Variants in ANKFY1 observed in about 807,000 individuals in gnomAD.
ANKFY1 encodes ankyrin repeat and FYVE domain-containing protein 1.
In ANKFY1, 47 loss-of-function variants were observed where a neutral mutation model predicts 128.3. The ratio of observed to expected loss-of-function variants is 0.37; its 90% confidence interval spans 0.29 to 0.47. The LOEUF (loss-of-function observed/expected upper bound fraction) is 0.47, where lower values mean the gene tolerates loss of function less well. Ranked by LOEUF, ANKFY1 falls within the 20% of genes least tolerant of loss-of-function variation. The pLI is 1.00. For synonymous variants in ANKFY1, 553 were observed against 601.6 expected (o/e 0.92, Z 1.18); for missense variants, 1,222 against 1,510.6 (o/e 0.81, Z 3.17).
intron 1 of ANKFY1, chr17:4,263,470 C>G: frequency 1.2e-6 from 1 of 848,080 alleles, no homozygotes; most frequent in Non-Finnish European, 1.8e-6. Flanking sequence ...TCGCCCCCAC[C>G]CCACCCCACC....
intron 24 of ANKFY1, chr17:4,168,852 C>T (rs773450600): frequency 4.9e-5 from 12 of 245,480 alleles, no homozygotes; most frequent in Non-Finnish European, 8.3e-5. Context: ...CCTTAGTTCT[C>T]GGCAAAGCGG....
rs756766579 is a variant in ANKFY1 at position 4,197,541 on chromosome 17, C to T, written c.935G>A (p.Gly312Glu). 2 of 1,614,030 alleles carry T rather than the reference C, an allele frequency of 1.2e-6. No homozygotes were observed. Among genetic ancestry groups the T allele is most frequent in the Non-Finnish European group, 1.7e-6 (2 of 1,180,010 alleles). The change falls in exon 8 of 25, where the codon GGG becomes GAG. Residue 312 changes from glycine to glutamate, a missense_variant. Gly to Glu is a moderately conservative substitution (Grantham distance 98). Coordinates refer to ENST00000341657, the MANE Select transcript of ANKFY1 (RefSeq NM_001330063.2). Reference sequence around the variant, plus strand: ...CAGTGTAGCAGCGTTGACAAAGGCCCCATTCTTAATGAGGAAAGTGGCAGC... The same window carrying T: ...CAGTGTAGCAGCGTTGACAAAGGCCTCATTCTTAATGAGGAAAGTGGCAGC... ...LFAATFLIKN[G>E]AFVNAATLGA...
intron 3 of ANKFY1, among the ~76,000 whole-genome samples, chr17:4,218,688 TAAAC>T (rs1391256851): frequency 6.6e-6 from 1 of 152,018 alleles, no homozygotes; most frequent in African/African-American, 2.4e-5. Context: ...AGAAAAAAAT[TAAAC>T]AAAATAAAAC....
chr17:4,238,851 C>T (rs1892605196), intron 2 of ANKFY1, among the ~76,000 whole-genome samples: 1 of 152,112 alleles, frequency 6.6e-6, no homozygotes, highest in Non-Finnish European at 1.5e-5. Context: ...CCTCCACCTT[C>T]GGGTTCAAGC....
Position 4,237,337 on chromosome 17 carries a change from T to C in ANKFY1, c.204-1447A>G, listed in dbSNP as rs189224086. 2.0e-5 allele frequency among the ~76,000 whole-genome samples: 3 copies of C among 152,308 alleles called. No individual in the cohort carries two copies. In the East Asian group the frequency reaches 5.8e-4, roughly 29 times the overall value. On this transcript the variant is annotated intron_variant, in intron 2 of 24. Transcript: ENST00000341657. ...AGAGAGTATTTATTATTTCAAATTA[T>C]TACAAACTGCTGTTAACACAGTAGA...
chr17:4,218,010 G>T (rs1187750123), intron 3 of ANKFY1, among the ~76,000 whole-genome samples: 1 of 152,076 alleles, frequency 6.6e-6, no homozygotes, highest in African/African-American at 2.4e-5. Context: ...ATGATAAAAA[G>T]ACCTTACAAA....
chr17:4,220,914 C>T (rs762819623), intron 3 of ANKFY1, among the ~76,000 whole-genome samples: 2 of 152,310 alleles, frequency 1.3e-5, no homozygotes, highest in Non-Finnish European at 2.9e-5. Context: ...AAGCAGTTGG[C>T]CTCCGAGTCC....
intron 2 of ANKFY1, among the ~76,000 whole-genome samples, chr17:4,241,455 A>AT (rs1369909923): frequency 6.6e-6 from 1 of 151,034 alleles, no homozygotes; most frequent in Non-Finnish European, 1.5e-5. Context: ...AATTTTTTAT[A>AT]TTTTTTTGTA....
Position 4,167,660 on chromosome 17 carries a change from C to T in ANKFY1, c.*119G>A. The T allele has an allele frequency of 1.0e-6, 1 of 980,768 alleles. No individual in the cohort carries two copies. Among genetic ancestry groups the T allele is most frequent in the Non-Finnish European group, 1.4e-6 (1 of 693,396 alleles). The allele number at this position is 980,768 out of a possible 1,614,324, so 60.8% of individuals were successfully genotyped here. A position where few individuals can be genotyped will look rare whatever the true frequency, so the allele number is the denominator to read the frequency against. On this transcript the variant is annotated 3_prime_UTR_variant, in exon 25 of 25. Transcript: ENST00000341657. This position sits in a 1 kb window ranked among gnomAD's most constrained non-coding sequence, Gnocchi z 4.1. ...ATCACACCATGGTCCTTAATCGTTC[C>T]AGTCTATTGCCGCAGGAAGACACCC...
chr17:4,222,318 T>A, intron 3 of ANKFY1: 4 of 728,534 alleles, frequency 5.5e-6, no homozygotes, highest in Non-Finnish European at 1.0e-5. Flanking sequence ...TCGGTCTTGA[T>A]GCAGAACTTT....
At chr17:4,250,318 C>G (rs887284713) in intron 1 of ANKFY1, among the ~76,000 whole-genome samples, 3 of 152,220 alleles carry the variant, frequency 2.0e-5, no homozygotes, top group African/African-American at 7.2e-5. Flanking sequence ...AACTTCATAT[C>G]TTCCTCAAAT....
chr17:4,235,953 T>A, intron 2 of ANKFY1, 63 bp from the exon 3 acceptor site: 2 of 1,190,060 alleles, frequency 1.7e-6, no homozygotes, highest in Non-Finnish European at 2.5e-6. Context: ...ATAGCTAGGA[T>A]TCACAGCTGA....
intron 1 of ANKFY1, among the ~76,000 whole-genome samples, chr17:4,247,856 G>GA (rs2143453710): frequency 1.3e-5 from 2 of 152,298 alleles, no homozygotes; most frequent in East Asian, 3.9e-4. Flanking sequence ...TGTAAACACT[G>GA]AAAGTACTAA....
intron 1 of ANKFY1, among the ~76,000 whole-genome samples, chr17:4,254,561 A>C (rs888476567): frequency 2.6e-5 from 4 of 152,166 alleles, no homozygotes; most frequent in Admixed American, 1.3e-4. Context: ...TACTGATTTC[A>C]ATCAGACTTC....
chr17:4,238,140 C>G (rs550447916), intron 2 of ANKFY1, among the ~76,000 whole-genome samples: 88 of 114,022 alleles, frequency 7.7e-4, no homozygotes, highest in African/African-American at 3.0e-3. Flanking sequence ...GAGACTCTGT[C>G]TCTTATTTAT....
chr17:4,238,308 T>A (rs1375488206), intron 2 of ANKFY1, among the ~76,000 whole-genome samples: 2 of 152,118 alleles, frequency 1.3e-5, no homozygotes, highest in Admixed American at 1.3e-4. Context: ...GGGATAAAGG[T>A]ATTTTTTCCC....
Position 4,247,143 on chromosome 17 carries a change from G to GA in ANKFY1, c.11-4696dup, listed in dbSNP as rs1173358211. 1.9e-3 allele frequency among the ~76,000 whole-genome samples: 285 copies of GA among 149,624 alleles called. 4 individuals are homozygous for GA. The highest frequency in any genetic ancestry group is 6.5e-3 in the African/African-American group (264 of 40,794). ...AAAAAAAAAGAGAGAAAAAGAAAAAGAAAAAAAAATGACTGCAAAGTTGCT... is the reference window on the plus strand; with the variant it reads ...AAAAAAAAAGAGAGAAAAAGAAAAAGAAAAAAAAAATGACTGCAAAGTTGCT... On this transcript the variant is annotated intron_variant, in intron 1 of 24. Coordinates refer to ENST00000341657, the MANE Select transcript of ANKFY1 (RefSeq NM_001330063.2).
intron 2 of ANKFY1, among the ~76,000 whole-genome samples, chr17:4,239,104 G>C (rs1386568276): frequency 2.0e-5 from 3 of 152,198 alleles, no homozygotes; most frequent in African/African-American, 7.2e-5. Flanking sequence ...GGAGTCCTAA[G>C]ATCATACCAT....
intron 19 of ANKFY1, among the ~76,000 whole-genome samples, chr17:4,175,941 G>A (rs1188865829): frequency 6.6e-6 from 1 of 152,180 alleles, no homozygotes; most frequent in African/African-American, 2.4e-5. Flanking sequence ...CCGGGCCCCA[G>A]GAAGGCGGGG....
Sources: allele counts gnomAD v4.1 joint callset (sites outside exome capture counted in the v4.1 genomes callset), GRCh38; gene constraint gnomAD v4.1.1; non-coding constraint Gnocchi (gnomAD v3.1); transcripts MANE v1.5; gene names NCBI Gene and HGNC (gene_info 2026-07-23, HGNC 2026-07-21).